ATAD2B: variants seen among roughly 807,000 people sequenced by gnomAD.
ATAD2B encodes the protein ATPase family AAA domain containing 2B.
A neutral mutation model predicts 167.6 loss-of-function variants in ATAD2B; 40 were observed. The observed-to-expected ratio is 0.24, with a 90% CI of 0.19 to 0.31. ATAD2B has a LOEUF of 0.31. Ranked by LOEUF, ATAD2B falls within the 10% of genes least tolerant of loss-of-function variation. The pLI is 1.00. For missense variants in ATAD2B, 1,242 were observed against 1,757.2 expected (o/e 0.71, Z 5.24); for synonymous variants, 579 against 596.5 (o/e 0.97, Z 0.43).
chr2:23,685,838 G>C, the ATAD2B span, among the ~76,000 whole-genome samples: 1 of 152,224 alleles, frequency 6.6e-6, no homozygotes, highest in Non-Finnish European at 1.5e-5. Flanking sequence ...GGACAGCAGG[G>C]GCCCGCATCG....
chr2:23,687,092 C>T, the ATAD2B span, among the ~76,000 whole-genome samples: 1 of 152,130 alleles, frequency 6.6e-6, no homozygotes, highest in African/African-American at 2.4e-5. Context: ...GTGCAGTGGC[C>T]GGATTGGCCC....
chr2:23,833,501 T>C (rs1003148675), intron 14 of ATAD2B, among the ~76,000 whole-genome samples: 1 of 152,230 alleles, frequency 6.6e-6, no homozygotes, highest in African/African-American at 2.4e-5. Flanking sequence ...ATAAAGTTTG[T>C]TGCTTTTAAT....
downstream of ATAD2B, among the ~76,000 whole-genome samples, chr2:23,747,698 C>T (rs1360108844): frequency 6.6e-6 from 1 of 152,006 alleles, no homozygotes. Context: ...TACCTGAGAA[C>T]AGGAATATGT....
intron 24 of ATAD2B, among the ~76,000 whole-genome samples, chr2:23,761,924 TG>T: frequency 6.6e-6 from 1 of 152,162 alleles, no homozygotes; most frequent in East Asian, 1.9e-4. Context: ...AAAATTCTAC[TG>T]GCTCCACATG....
At chr2:23,912,578 G>T (rs1702465644) in intron 1 of ATAD2B, among the ~76,000 whole-genome samples, 1 of 151,890 alleles carries the variant, frequency 6.6e-6, no homozygotes, top group Non-Finnish European at 1.5e-5. Context: ...ATAACCAATG[G>T]ATGAAAGAAG....
intron 1 of ATAD2B, among the ~76,000 whole-genome samples, chr2:23,907,895 T>C (rs1439225607): frequency 6.6e-6 from 1 of 152,162 alleles, no homozygotes; most frequent in Non-Finnish European, 1.5e-5. Context: ...GGGAAAGGAT[T>C]CCCTATTTAA....
chr2:23,891,300 G>A (rs1195605900), intron 2 of ATAD2B, among the ~76,000 whole-genome samples: 3 of 151,978 alleles, frequency 2.0e-5, no homozygotes, highest in Admixed American at 6.6e-5. Flanking sequence ...GATTACAGGC[G>A]TAAGCCACCA....
the ATAD2B span, among the ~76,000 whole-genome samples, chr2:23,739,715 G>A: frequency 2.0e-5 from 3 of 152,174 alleles, no homozygotes; most frequent in Non-Finnish European, 4.4e-5. Context: ...CATAACTGAA[G>A]GAAACAGAGA....
At chr2:23,920,620 T>C (rs1703769289) in intron 1 of ATAD2B, among the ~76,000 whole-genome samples, 1 of 152,168 alleles carries the variant, frequency 6.6e-6, no homozygotes, top group South Asian at 2.1e-4. Context: ...TTCATGGCAC[T>C]TACGGCCTAC....
the ATAD2B span, among the ~76,000 whole-genome samples, chr2:23,720,416 G>A: frequency 2.0e-5 from 3 of 151,976 alleles, no homozygotes; most frequent in Admixed American, 6.6e-5. Flanking sequence ...TCTATTAAAA[G>A]TACAAAAATT....
At chr2:23,805,634 G>T (rs1171581676) in intron 18 of ATAD2B, among the ~76,000 whole-genome samples, 1 of 151,932 alleles carries the variant, frequency 6.6e-6, no homozygotes, top group East Asian at 1.9e-4. Context: ...TGGGTCAAAA[G>T]GTATATGTAT....
intron 19 of ATAD2B, among the ~76,000 whole-genome samples, chr2:23,797,830 G>T (rs1293246308): frequency 6.6e-6 from 1 of 152,064 alleles, no homozygotes; most frequent in Non-Finnish European, 1.5e-5. Flanking sequence ...CTTCATGTCA[G>T]CACTCAAAGA....
chr2:23,730,193 T>C, the ATAD2B span, among the ~76,000 whole-genome samples: 3 of 151,978 alleles, frequency 2.0e-5, no homozygotes, highest in Admixed American at 1.3e-4. Flanking sequence ...TTTAAATGAA[T>C]TAAAATAATA....
At chr2:23,830,596 G>C (rs964632041) in intron 14 of ATAD2B, among the ~76,000 whole-genome samples, 1 of 152,078 alleles carries the variant, frequency 6.6e-6, no homozygotes. Context: ...ACAAAATCTG[G>C]AATCAATAGC....
intron 2 of ATAD2B, among the ~76,000 whole-genome samples, chr2:23,891,465 T>C (rs184040022): frequency 1.3e-5 from 2 of 152,186 alleles, no homozygotes; most frequent in Non-Finnish European, 2.9e-5. Flanking sequence ...GAGATTTTTT[T>C]CCCTGTATCG....
the ATAD2B span, chr2:23,697,332 T>C: frequency 6.6e-6 from 1 of 152,218 alleles, no homozygotes; most frequent in Admixed American, 6.5e-5. Context: ...TCAGGAAGCT[T>C]TGTCAGGCAG....
In ATAD2B at chr2:23,864,780, CAAT is replaced by C. The variant is rs1264640325; in HGVS notation, c.1304+26_1304+28del. Reference sequence around the variant, plus strand: ...ACATTTGAGAAAGTAACAGTAATAACAATAATAAACATCTATGACATTGCTTAC... The same window carrying C: ...ACATTTGAGAAAGTAACAGTAATAACAATAAACATCTATGACATTGCTTAC... On this transcript the variant is annotated intron_variant, in intron 11 of 27. Coordinates refer to ENST00000238789, the MANE Select transcript of ATAD2B (RefSeq NM_017552.4). 3.2e-5 allele frequency: 35 copies of C among 1,081,664 alleles called. No homozygotes were observed. The Middle Eastern group carries it at 1.2e-3, about 38-fold the overall frequency. 67.0% of individuals were successfully genotyped at this position (1,081,664 alleles called of 1,614,324 possible).
rs1366372020 is a variant in ATAD2B at position 23,786,334 on chromosome 2, G to A, written c.2777-111C>T. ...AAAAGAATTACAAATACAGTCATGTGTTGCTTAACAACAGGGATACATTCT... is the reference window on the plus strand; with the variant it reads ...AAAAGAATTACAAATACAGTCATGTATTGCTTAACAACAGGGATACATTCT... On this transcript the variant is annotated intron_variant, in intron 20 of 27. Transcript: ENST00000238789. 8 of 913,212 alleles carry A rather than the reference G, an allele frequency of 8.8e-6. No homozygotes were observed. In the East Asian group the frequency reaches 1.1e-4, roughly 12 times the overall value. 56.6% of individuals were successfully genotyped at this position (913,212 alleles called of 1,614,324 possible).
the ATAD2B span, among the ~76,000 whole-genome samples, chr2:23,737,317 C>T: frequency 6.6e-6 from 1 of 152,274 alleles, no homozygotes; most frequent in East Asian, 1.9e-4. Context: ...GGACTGACAC[C>T]TCACACGGCT....
Sources: allele counts gnomAD v4.1 joint callset (sites outside exome capture counted in the v4.1 genomes callset), GRCh38; gene constraint gnomAD v4.1.1; transcripts MANE v1.5; gene names NCBI Gene and HGNC (gene_info 2026-07-23, HGNC 2026-07-21).